The following ATP6V0D1 variants were observed in gnomAD, a reference collection of about 807,000 sequenced individuals.
ATP6V0D1 encodes V-type proton ATPase subunit d 1.
ATP6V0D1 carries 13 observed loss-of-function variants against 39.0 expected under a neutral mutation model. The observed-to-expected ratio is 0.33, with a 90% CI of 0.22 to 0.53. The LOEUF (loss-of-function observed/expected upper bound fraction) is 0.53. Among genes scored for constraint, ATP6V0D1 ranks in the 20% least tolerant of loss-of-function variants. The pLI is 0.94. For synonymous variants in ATP6V0D1, 191 were observed against 191.2 expected (o/e 1.00, Z 0.01); for missense variants, 272 against 470.9 (o/e 0.58, Z 3.91).
At chr16:67,471,381 G>A (rs571911725) in intron 1 of ATP6V0D1, among the ~76,000 whole-genome samples, 20 of 152,086 alleles carry the variant, frequency 1.3e-4, no homozygotes, top group African/African-American at 4.6e-4. Flanking sequence ...TAGATATGGG[G>A]GTTTCACCAT....
Position 67,453,276 on chromosome 16 carries a change from C to T in ATP6V0D1, c.302+268G>A, listed in dbSNP as rs570404538. 2.8e-4 allele frequency among the ~76,000 whole-genome samples: 43 copies of T among 152,322 alleles called. No individual in the cohort carries two copies. The South Asian group carries it at 8.7e-3, about 31-fold the overall frequency. On this transcript the variant is annotated intron_variant, in intron 2 of 7. Coordinates refer to ENST00000290949, the MANE Select transcript of ATP6V0D1 (RefSeq NM_004691.5). The surrounding 1 kb of genome is among the most constrained non-coding windows in gnomAD (Gnocchi z 4.1). ...ACTGCGTGGGACACTCTTGCCTGCCCATCATATCTTCAGCCAGTAGTGAAC... is the reference window on the plus strand; with the variant it reads ...ACTGCGTGGGACACTCTTGCCTGCCTATCATATCTTCAGCCAGTAGTGAAC...
rs1597574812 is a variant in ATP6V0D1 at position 67,453,048 on chromosome 16, G to A, written c.302+496C>T. On this transcript the variant is annotated intron_variant, in intron 2 of 7. Transcript: ENST00000290949. The surrounding 1 kb of genome is among the most constrained non-coding windows in gnomAD (Gnocchi z 4.1). ...AATCTCCCTGAGACCCAGGGCCATG[G>A]TCAGAGCAGATAGAGAATGGGCCTA... Among the ~76,000 whole-genome samples, 1 of 152,210 alleles carries A rather than the reference G, an allele frequency of 6.6e-6. No individual in the cohort carries two copies. Among genetic ancestry groups the A allele is most frequent in the Non-Finnish European group, 1.5e-5 (1 of 68,028 alleles).
At position 67,444,748 on chromosome 16, in the gene ATP6V0D1, G is replaced by A. The variant is rs371377894; in HGVS notation, c.303-42C>T. The A allele has an allele frequency of 6.5e-6, 10 of 1,527,054 alleles. No individual in the cohort carries two copies. In the Admixed American group the frequency reaches 1.7e-4, roughly 26 times the overall value. The allele number at this position is 1,527,054 out of a possible 1,614,324, so 94.6% of individuals were successfully genotyped here. ...ATAGCAAGGAGCCCATCAAGGTGGG[G>A]GCCGGGAAGTCCTGGCATAGCACCA... is the stretch of plus-strand genomic sequence containing the variant. On this transcript the variant is annotated intron_variant, in intron 2 of 7. Transcript: ENST00000290949. The surrounding 1 kb of genome is among the most constrained non-coding windows in gnomAD (Gnocchi z 4.8).
chr16:67,480,872 C>T, intron 1 of ATP6V0D1, 85 bp downstream of exon 1: 2 of 1,550,298 alleles, frequency 1.3e-6, no homozygotes, highest in Non-Finnish European at 1.7e-6. Flanking sequence ...CCTTCAAGAC[C>T]CCCCCTTCCG....
At chr16:67,470,108 G>A (rs996769088) in intron 1 of ATP6V0D1, among the ~76,000 whole-genome samples, 3 of 152,058 alleles carry the variant, frequency 2.0e-5, no homozygotes, top group Admixed American at 6.6e-5. Flanking sequence ...CCAAATCACC[G>A]GATATTCCAT....
chr16:67,479,565 C>T (rs2041446421), intron 1 of ATP6V0D1, among the ~76,000 whole-genome samples: 1 of 152,106 alleles, frequency 6.6e-6, no homozygotes, highest in Admixed American at 6.6e-5. Flanking sequence ...TGTATTTTAA[C>T]GGTAAGTTTT....
intron 1 of ATP6V0D1, chr16:67,459,196 C>T (rs1368463634): frequency 1.7e-5 from 17 of 985,386 alleles, no homozygotes; most frequent in Middle Eastern, 1.0e-3. Flanking sequence ...CACAGGCTGC[C>T]GGAGAGAGAA....
In ATP6V0D1 at chr16:67,444,812, A is replaced by C; in HGVS notation, c.303-106T>G. The C allele has an allele frequency of 9.6e-7, 1 of 1,044,806 alleles. No homozygotes were observed. The highest frequency in any genetic ancestry group is 1.3e-6 in the Non-Finnish European group (1 of 740,946). The allele number at this position is 1,044,806 out of a possible 1,614,324, so 64.7% of individuals were successfully genotyped here. On this transcript the variant is annotated intron_variant, in intron 2 of 7. Coordinates refer to ENST00000290949, the MANE Select transcript of ATP6V0D1 (RefSeq NM_004691.5). This position sits in a 1 kb window ranked among gnomAD's most constrained non-coding sequence, Gnocchi z 4.8. ...CTGCACAGGCCATCACCCCTTAACA[A>C]TGTATGCTGACTCATGGGTGCTGCG...
Position 67,438,877 on chromosome 16 carries a change from AG to A in ATP6V0D1, c.817-8del. On this transcript the variant is annotated splice_polypyrimidine_tract_variant and splice_region_variant and intron_variant, in intron 6 of 7. Coordinates refer to ENST00000290949, the MANE Select transcript of ATP6V0D1 (RefSeq NM_004691.5). Reference sequence around the variant, plus strand: ...CGAAGAGCAGCTTGTACTCCTGGCCAGGGGGGTGGGGGGAAGCACAAGCATG... The same window carrying A: ...CGAAGAGCAGCTTGTACTCCTGGCCAGGGGGTGGGGGGAAGCACAAGCATG... The A allele has an allele frequency of 7.2e-7, 1 of 1,388,416 alleles. No homozygotes were observed. Among genetic ancestry groups the A allele is most frequent in the Non-Finnish European group, 9.7e-7 (1 of 1,029,688 alleles). 86.0% of individuals were successfully genotyped at this position (1,388,416 alleles called of 1,614,324 possible).
At chr16:67,446,737 G>C (rs1386004642) in intron 2 of ATP6V0D1, among the ~76,000 whole-genome samples, 5 of 152,100 alleles carry the variant, frequency 3.3e-5, no homozygotes, top group African/African-American at 1.2e-4. Context: ...ATGTAGCCTT[G>C]GTGCTCCCTG....
rs982353109 is a variant in ATP6V0D1, at chr16:67,438,461, GCACACACA to G, written c.*59_*66del. The G allele has an allele frequency of 1.4e-5, 22 of 1,536,358 alleles. No individual in the cohort carries two copies. In the African/African-American group the frequency reaches 2.3e-4, roughly 16 times the overall value. On this transcript the variant is annotated 3_prime_UTR_variant, in exon 8 of 8. Coordinates refer to ENST00000290949, the MANE Select transcript of ATP6V0D1 (RefSeq NM_004691.5). ...TGTCACAGACCACATACACACACAC[GCACACACA>G]CGCGCACACACACACACACACACAC...
intron 3 of ATP6V0D1, 170 bp from the exon 4 acceptor site, chr16:67,443,348 G>C: frequency 1.6e-6 from 1 of 615,926 alleles, no homozygotes; most frequent in East Asian, 2.7e-5. Flanking sequence ...CAATGCTCTG[G>C]GCCATGTACA....
chr16:67,475,708 C>T (rs1033290382), intron 1 of ATP6V0D1, among the ~76,000 whole-genome samples: 1 of 152,214 alleles, frequency 6.6e-6, no homozygotes, highest in Non-Finnish European at 1.5e-5. Context: ...CTACATAATC[C>T]AGCAAGCTGT....
At chr16:67,439,222 C>A in intron 5 of ATP6V0D1, 52 bp downstream of exon 5, 10 of 1,613,926 alleles carry the variant, frequency 6.2e-6, no homozygotes, top group Non-Finnish European at 8.5e-6. Context: ...CAGAGCCTCC[C>A]CAGGCCAGGG....
intron 1 of ATP6V0D1, among the ~76,000 whole-genome samples, chr16:67,477,383 A>G (rs937289210): frequency 6.6e-6 from 1 of 152,222 alleles, no homozygotes; most frequent in Non-Finnish European, 1.5e-5. Flanking sequence ...ATCTGATTAC[A>G]TTAACAAATT....
chr16:67,463,791 G>T (rs767957510), intron 1 of ATP6V0D1, among the ~76,000 whole-genome samples: 3 of 149,060 alleles, frequency 2.0e-5, no homozygotes, highest in Non-Finnish European at 4.5e-5. Flanking sequence ...TCCCCTCAGC[G>T]GCCCTGCTCA....
intron 1 of ATP6V0D1, among the ~76,000 whole-genome samples, chr16:67,464,998 G>A (rs2041317861): frequency 6.6e-6 from 1 of 152,220 alleles, no homozygotes; most frequent in South Asian, 2.1e-4. Flanking sequence ...TGCTAGGTTT[G>A]GACACACAGA....
chr16:67,452,568 G>A (rs2041193534), intron 2 of ATP6V0D1: 1 of 690,296 alleles, frequency 1.4e-6, no homozygotes, highest in African/African-American at 1.8e-5. Context: ...AATACCCAGA[G>A]AGCTCAGGGA....
At chr16:67,464,902 C>T (rs745420558) in intron 1 of ATP6V0D1, among the ~76,000 whole-genome samples, 6 of 152,242 alleles carry the variant, frequency 3.9e-5, no homozygotes, top group African/African-American at 1.4e-4. Flanking sequence ...ACCAATCTGC[C>T]CAGCGGTCCT....
Sources: allele counts gnomAD v4.1 joint callset (sites outside exome capture counted in the v4.1 genomes callset), GRCh38; gene constraint gnomAD v4.1.1; non-coding constraint Gnocchi (gnomAD v3.1); transcripts MANE v1.5; gene names NCBI Gene and HGNC (gene_info 2026-07-23, HGNC 2026-07-21).